CEBPZ: variants seen among roughly 807,000 people sequenced by gnomAD.
CEBPZ encodes CCAAT/enhancer-binding protein zeta.
In CEBPZ, 78 loss-of-function variants were observed where a neutral mutation model predicts 104.5. The ratio of observed to expected loss-of-function variants is 0.75; its 90% CI spans 0.62 to 0.90. CEBPZ has a LOEUF of 0.90. Among genes scored for constraint, CEBPZ ranks in the 40% least tolerant of loss-of-function variants. The probability of loss-of-function intolerance (pLI) is 0.00; values close to 1 mark genes in which losing one functional copy is unlikely to be tolerated. For synonymous variants in CEBPZ, 470 were observed against 427.0 expected (o/e 1.10, Z -1.24); for missense variants, 1,439 against 1,233.5 (o/e 1.17, Z -2.50).
At chr2:37,204,705 TAATA>T (rs1558466565) in intron 13 of CEBPZ, 1 of 152,216 alleles carries the variant, frequency 6.6e-6, no homozygotes, top group Non-Finnish European at 1.5e-5. Flanking sequence ...ATTAGTAAAT[TAATA>T]AATCTGAATC....
chr2:37,201,941 C>A, intron 15 of CEBPZ, 38 bp from the exon 16 acceptor site: 1 of 1,583,016 alleles, frequency 6.3e-7, no homozygotes, highest in Non-Finnish European at 8.6e-7. Context: ...TACTACCACA[C>A]TGTAGACTCT....
chr2:37,207,630 C>T (rs1465514989), intron 13 of CEBPZ, among the ~76,000 whole-genome samples: 1 of 152,064 alleles, frequency 6.6e-6, no homozygotes, highest in African/African-American at 2.4e-5. Flanking sequence ...CCCATCAAAA[C>T]CTCTGGGATA....
At position 37,231,488 on chromosome 2, in the gene CEBPZ, T is replaced by C. The variant is rs768083765; in HGVS notation, c.80A>G (p.Glu27Gly). ...TTCACTAGTATTATCCTCATCCTCC[T>C]CGTCCGGATCTTCTACTGCCTCCTC... is the stretch of plus-strand genomic sequence containing the variant. ...RPEEAVEDPD[E>G]EDEDNTSEAE... The change falls in exon 1 of 16, where the codon GAG (glutamate) becomes GGG (glycine). Residue 27 changes from glutamate to glycine, a missense_variant. Transcript: ENST00000234170. 9.9e-6 allele frequency: 16 copies of C among 1,614,092 alleles called. No homozygotes were observed. The highest frequency in any genetic ancestry group is 1.3e-5 in the African/African-American group (1 of 74,946).
In CEBPZ at chr2:37,225,901, G is replaced by A. The variant is rs1664875191; in HGVS notation, c.1649+1643C>T. On this transcript the variant is annotated intron_variant, in intron 2 of 15. Transcript: ENST00000234170. ...CTGAGATAGGGAAAAACCGCCTTAG[G>A]GCTGGAGGTGGGACCTGTGGGCAGC... is the stretch of plus-strand genomic sequence containing the variant. Among the ~76,000 whole-genome samples the A allele has an allele frequency of 4.2e-5, 5 of 119,242 alleles. No homozygotes were observed. The South Asian group carries it at 1.6e-3, about 38-fold the overall frequency. 78.2% of individuals were successfully genotyped at this position (119,242 alleles called of 152,430 possible).
rs747294672 is a variant in CEBPZ, at chr2:37,231,562, G to T, written c.6C>A (p.Ala2=). The T allele has an allele frequency of 6.2e-7, 1 of 1,614,194 alleles. No homozygotes were observed. The highest frequency in any genetic ancestry group is 1.1e-5 in the South Asian group (1 of 91,086). The change falls in exon 1 of 16, where the codon GCC becomes GCA. Residue 2 remains alanine, a synonymous_variant. Coordinates refer to ENST00000234170, the MANE Select transcript of CEBPZ (RefSeq NM_005760.3). Reference sequence around the variant, plus strand: ...GGAACTCCAAAGGCTCCTTGACTGCGGCCATGGCGGGCAAAGCATACGCGC... The same window carrying T: ...GGAACTCCAAAGGCTCCTTGACTGCTGCCATGGCGGGCAAAGCATACGCGC... M[A]AVKEPLEFHA... is the part of the protein sequence containing the mutation.
chr2:37,216,897 A>T, intron 6 of CEBPZ, 87 bp downstream of exon 6: 1 of 1,086,120 alleles, frequency 9.2e-7, no homozygotes, highest in Non-Finnish European at 1.4e-6. Flanking sequence ...TCTCTCTGTT[A>T]GAGAAAACAC....
chr2:37,202,708 C>T (rs60698646), intron 15 of CEBPZ, 76 bp downstream of exon 15: 5,098 of 323,908 alleles, frequency 0.016, 121 homozygotes, highest in African/African-American at 0.081. Flanking sequence ...AATAAAATAA[C>T]GAAAATTTCC....
At chr2:37,225,148 G>C (rs985374464) in intron 2 of CEBPZ, among the ~76,000 whole-genome samples, 1 of 152,158 alleles carries the variant, frequency 6.6e-6, no homozygotes, top group African/African-American at 2.4e-5. Flanking sequence ...ACAGTGTTAA[G>C]TTATCTATTA....
intron 13 of CEBPZ, 119 bp from the exon 14 acceptor site, chr2:37,203,127 T>C (rs1677362324): frequency 3.3e-6 from 2 of 609,882 alleles, no homozygotes; most frequent in Admixed American, 7.3e-5. Context: ...GCAATAATCT[T>C]CTGGCACCAT....
In CEBPZ at chr2:37,228,484, C is replaced by A. The variant is rs756155209; in HGVS notation, c.709G>T (p.Ala237Ser). The change falls in exon 2 of 16, where the codon GCA (alanine) becomes TCA (serine). Residue 237 changes from alanine (A) to serine (S), a missense_variant. Coordinates refer to ENST00000234170, the MANE Select transcript of CEBPZ (RefSeq NM_005760.3). The stretch of plus-strand genomic sequence containing the variant: ...CCTAGTGTCCCCGATGACACAATTG[C>A]CTTCATCCAGGTAGAAGAGGCTCCC... ...QKGASSTWMK[A>S]IVSSGTLGDR... 2 of 1,614,216 alleles carry A rather than the reference C, an allele frequency of 1.2e-6. No individual in the cohort carries two copies. Among genetic ancestry groups the A allele is most frequent in the Non-Finnish European group, 8.5e-7 (1 of 1,180,040 alleles).
rs1297487692 is a variant in CEBPZ, at chr2:37,201,730, A to C, written c.*34T>G. Reference sequence around the variant, plus strand: ...GGTTGAACAGCAAAAATTAGATGTAAGTAGAATTTTAATCTATAATTTACA... The same window carrying C: ...GGTTGAACAGCAAAAATTAGATGTACGTAGAATTTTAATCTATAATTTACA... On this transcript the variant is annotated 3_prime_UTR_variant, in exon 16 of 16. Transcript: ENST00000234170. 4 of 1,206,376 alleles carry C rather than the reference A, an allele frequency of 3.3e-6. No homozygotes were observed. Among genetic ancestry groups the C allele is most frequent in the Non-Finnish European group, 4.8e-6 (4 of 828,834 alleles). 74.7% of individuals were successfully genotyped at this position (1,206,376 alleles called of 1,614,324 possible). A position where few individuals can be genotyped will look rare whatever the true frequency, so the allele number is the denominator to read the frequency against.
At position 37,213,861 on chromosome 2, in the gene CEBPZ, T is replaced by C. The variant is rs771575739; in HGVS notation, c.2545+3A>G. 1.3e-6 allele frequency: 2 copies of C among 1,591,232 alleles called. No homozygotes were observed. The highest frequency in any genetic ancestry group is 3.4e-5 in the Admixed American group (2 of 58,820). On this transcript the variant is annotated splice_donor_region_variant and intron_variant, in intron 10 of 15. Coordinates refer to ENST00000234170, the MANE Select transcript of CEBPZ (RefSeq NM_005760.3). ...TTTACAAAGAGTCAACAAAACAAAT[T>C]ACCAATCAGCTCTTCAAATTCTTCA... is the stretch of plus-strand genomic sequence containing the variant.
At position 37,210,926 on chromosome 2, in the gene CEBPZ, TCATTTCC is replaced by T. The variant is rs1266368539; in HGVS notation, c.2884+66_2884+72del. The T allele has an allele frequency of 2.8e-6, 3 of 1,076,478 alleles. No homozygotes were observed. The African/African-American group carries it at 4.8e-5, about 17-fold the overall frequency. The allele number at this position is 1,076,478 out of a possible 1,614,324, so 66.7% of individuals were successfully genotyped here. On this transcript the variant is annotated intron_variant, in intron 13 of 15. Coordinates refer to ENST00000234170, the MANE Select transcript of CEBPZ (RefSeq NM_005760.3). Reference sequence around the variant, plus strand: ...TTTTATTAATCAAATTTAGGAGAGTTCATTTCCCAAAATGATAATGACACCTTTCACA... The same window carrying T: ...TTTTATTAATCAAATTTAGGAGAGTTCAAAATGATAATGACACCTTTCACA...
Position 37,212,043 on chromosome 2 carries a change from GA to G in CEBPZ, c.2604-5del, listed in dbSNP as rs761901247. 2 of 1,572,646 alleles carry G rather than the reference GA, an allele frequency of 1.3e-6. No homozygotes were observed. Among genetic ancestry groups the G allele is most frequent in the Non-Finnish European group, 8.6e-7 (1 of 1,165,432 alleles). ...TTTTGTTCTCTTTTTCACGTTTCTG[GA>G]AAAAAACACAACTTGTAATACAAGA... On this transcript the variant is annotated splice_polypyrimidine_tract_variant and splice_region_variant and intron_variant, in intron 11 of 15. Coordinates refer to ENST00000234170, the MANE Select transcript of CEBPZ (RefSeq NM_005760.3).
chr2:37,206,361 T>A (rs1440285993), intron 13 of CEBPZ, among the ~76,000 whole-genome samples: 1 of 152,262 alleles, frequency 6.6e-6, no homozygotes, highest in Non-Finnish European at 1.5e-5. Context: ...ATCTTTGTTT[T>A]TTGTTTCTTT....
In CEBPZ at chr2:37,208,311, C is replaced by T. The variant is rs1677606855; in HGVS notation, c.2884+2688G>A. 4.0e-5 allele frequency among the ~76,000 whole-genome samples: 6 copies of T among 151,860 alleles called. No homozygotes were observed. In the South Asian group the frequency reaches 1.2e-3, roughly 32 times the overall value. On this transcript the variant is annotated intron_variant, in intron 13 of 15. Coordinates refer to ENST00000234170, the MANE Select transcript of CEBPZ (RefSeq NM_005760.3). ...AAATCATTCAATGAAGCCAATATCG[C>T]CCTAATTCCAAAATCAGGAAATGAC...
chr2:37,227,431 G>C (rs1664914030), intron 2 of CEBPZ, 113 bp downstream of exon 2: 1 of 973,310 alleles, frequency 1.0e-6, no homozygotes, highest in Non-Finnish European at 1.5e-6. Context: ...GCTGCTGAGG[G>C]GGCCTAAAAC....
rs148737427 is a variant in CEBPZ at position 37,227,892 on chromosome 2, C to A, written c.1301G>T (p.Ser434Ile). 2.1e-5 allele frequency: 34 copies of A among 1,614,146 alleles called. No homozygotes were observed. The African/African-American group carries it at 2.9e-4, about 14-fold the overall frequency. ...VERLLFRSNI[S>I]SKAQYYAICF... is the part of the protein sequence containing the mutation. ...AATTGCATAATATTGAGCTTTGGAG[C>A]TGATATTTGAGCGGAAGAGTAGCCT... is the stretch of plus-strand genomic sequence containing the variant. The change falls in exon 2 of 16, where the codon AGC becomes ATC. Residue 434 changes from serine to isoleucine, a missense_variant. Physicochemically the swap from Ser to Ile is moderately radical, Grantham distance 142. Coordinates refer to ENST00000234170, the MANE Select transcript of CEBPZ (RefSeq NM_005760.3).
At chr2:37,216,260 A>G (rs533480848) in intron 7 of CEBPZ, 52 bp from the exon 8 acceptor site, 1 of 1,599,544 alleles carries the variant, frequency 6.3e-7, no homozygotes, top group African/African-American at 1.3e-5. Flanking sequence ...ATAAGCTCAT[A>G]TTGTTTATTA....
Sources: gnomAD v4.1 joint callset for allele counts (sites outside exome capture counted in the v4.1 genomes callset) on GRCh38, gnomAD v4.1.1 for gene constraint, MANE v1.5 for transcripts, NCBI Gene and HGNC (gene_info 2026-07-23, HGNC 2026-07-21) for gene names.